The following ZBTB20 variants were observed in gnomAD, a reference collection of about 807,000 sequenced individuals.
ZBTB20 encodes zinc finger and BTB domain containing 20, also known as zinc finger and BTB domain-containing protein 20.
A neutral mutation model predicts 56.9 loss-of-function variants in ZBTB20; 9 were observed. The ratio of observed to expected loss-of-function variants is 0.16; its 90% CI spans 0.10 to 0.28. ZBTB20 has a LOEUF of 0.28. Among genes scored for constraint, ZBTB20 ranks in the 10% least tolerant of loss-of-function variants. The probability of loss-of-function intolerance (pLI) is 1.00; values close to 1 mark genes in which losing one functional copy is unlikely to be tolerated. For synonymous variants in ZBTB20, 417 were observed against 420.7 expected (o/e 0.99, Z 0.11); for missense variants, 655 against 1,003.0 (o/e 0.65, Z 4.69).
intron 6 of ZBTB20, among the ~76,000 whole-genome samples, chr3:114,606,658 A>T (rs537998717): frequency 6.6e-6 from 1 of 152,270 alleles, no homozygotes; most frequent in Non-Finnish European, 1.5e-5. Flanking sequence ...ATAAATCCCC[A>T]CCACTACACT....
At chr3:114,683,684 A>T (rs1666170534) in intron 6 of ZBTB20, among the ~76,000 whole-genome samples, 1 of 152,050 alleles carries the variant, frequency 6.6e-6, no homozygotes, top group African/African-American at 2.4e-5. Flanking sequence ...TCCCCAGGGC[A>T]TTAAGCCCTG....
At chr3:114,951,692 A>G (rs2077071937) in intron 3 of ZBTB20, among the ~76,000 whole-genome samples, 1 of 152,126 alleles carries the variant, frequency 6.6e-6, no homozygotes, top group Non-Finnish European at 1.5e-5. Context: ...ATAGAATTTC[A>G]ATATGACTCA....
At chr3:114,936,834 C>G (rs1050578212) in intron 3 of ZBTB20, among the ~76,000 whole-genome samples, 2 of 152,114 alleles carry the variant, frequency 1.3e-5, no homozygotes, top group Admixed American at 6.5e-5. Flanking sequence ...AGTTTGGGTC[C>G]TCTTGTGCCA....
At chr3:114,543,232 A>T (rs988827670) in intron 6 of ZBTB20, among the ~76,000 whole-genome samples, 3 of 151,956 alleles carry the variant, frequency 2.0e-5, no homozygotes, top group African/African-American at 7.2e-5. Context: ...GGTATTTTTA[A>T]TTTGTCTTTT....
intron 1 of ZBTB20, among the ~76,000 whole-genome samples, chr3:115,126,806 G>A (rs758119131): frequency 6.6e-6 from 1 of 152,160 alleles, no homozygotes; most frequent in Non-Finnish European, 1.5e-5. Context: ...AAGGAAATGT[G>A]AGTTTTGATG....
At chr3:114,876,924 T>C (rs868541001) in intron 4 of ZBTB20, among the ~76,000 whole-genome samples, 4 of 152,190 alleles carry the variant, frequency 2.6e-5, no homozygotes, top group Non-Finnish European at 5.9e-5. Flanking sequence ...TTATTAAATA[T>C]GTGTATATCT....
In ZBTB20 at chr3:114,883,929, T is replaced by C. The variant is rs1250214638; in HGVS notation, c.-417+16375A>G. Reference sequence around the variant, plus strand: ...GAATGGTGTGTTCTTTTTTTTTTTTTTTTTTTTTTTTTTTGAGACGGAGTC... The same window carrying C: ...GAATGGTGTGTTCTTTTTTTTTTTTCTTTTTTTTTTTTTTGAGACGGAGTC... On this transcript the variant is annotated intron_variant, in intron 4 of 11. Coordinates refer to ENST00000675478, the MANE Select transcript of ZBTB20 (RefSeq NM_001348800.3). Among the ~76,000 whole-genome samples the C allele has an allele frequency of 6.9e-5, 5 of 72,344 alleles. 1 individual carries two copies. Among genetic ancestry groups the C allele is most frequent in the Non-Finnish European group, 1.5e-4 (5 of 34,150 alleles). 47.5% of individuals were successfully genotyped at this position (72,344 alleles called of 152,430 possible).
intron 6 of ZBTB20, among the ~76,000 whole-genome samples, chr3:114,516,982 A>C (rs1474787190): frequency 1.3e-5 from 2 of 152,226 alleles, no homozygotes; most frequent in Non-Finnish European, 2.9e-5. Context: ...TGATATACTC[A>C]GTAAAAGAAA....
chr3:114,690,148 G>A (rs1349768716), intron 6 of ZBTB20, among the ~76,000 whole-genome samples: 1 of 152,042 alleles, frequency 6.6e-6, no homozygotes, highest in Non-Finnish European at 1.5e-5. Context: ...TGCTCTACCA[G>A]TTTTGGCTGA....
At chr3:114,449,480 G>A (rs1334143362) in intron 7 of ZBTB20, among the ~76,000 whole-genome samples, 1 of 152,110 alleles carries the variant, frequency 6.6e-6, no homozygotes. Flanking sequence ...ACATCAAACA[G>A]AGTTAAAGCA....
rs73857643 is a variant in ZBTB20, at chr3:114,718,464, C to T, written c.-342-24889G>A. 3.7e-3 allele frequency among the ~76,000 whole-genome samples: 570 copies of T among 152,186 alleles called. 6 individuals carry two copies. Among genetic ancestry groups the T allele is most frequent in the African/African-American group, 0.013 (553 of 41,538 alleles). On this transcript the variant is annotated intron_variant, in intron 5 of 11. Transcript: ENST00000675478. The stretch of plus-strand genomic sequence containing the variant: ...AGAAAAAACAGTCATTCCTGACTTA[C>T]AAACATGAGTGGAGGGAAGTACCTG...
chr3:114,464,169 T>C (rs2092444904), intron 7 of ZBTB20, among the ~76,000 whole-genome samples: 1 of 152,212 alleles, frequency 6.6e-6, no homozygotes, highest in Non-Finnish European at 1.5e-5. Flanking sequence ...TTATATTCAC[T>C]TTTTATTGGC....
At chr3:114,373,279 A>G (rs1347610480) in intron 10 of ZBTB20, among the ~76,000 whole-genome samples, 2 of 152,218 alleles carry the variant, frequency 1.3e-5, no homozygotes, top group African/African-American at 4.8e-5. Context: ...CTATTAGAAA[A>G]TAAGTAGATG....
At chr3:114,851,239 C>G (rs1224322454) in intron 4 of ZBTB20, among the ~76,000 whole-genome samples, 1 of 152,130 alleles carries the variant, frequency 6.6e-6, no homozygotes, top group Non-Finnish European at 1.5e-5. Context: ...AAGTTGGTAA[C>G]ACATTTAAGA....
chr3:114,754,526 T>C (rs929827370), intron 5 of ZBTB20, among the ~76,000 whole-genome samples: 3 of 152,170 alleles, frequency 2.0e-5, no homozygotes, highest in Non-Finnish European at 1.5e-5. Flanking sequence ...TAATACCATA[T>C]GGAACCTTGA....
chr3:115,124,730 A>G (rs2084277226), intron 1 of ZBTB20, among the ~76,000 whole-genome samples: 1 of 152,178 alleles, frequency 6.6e-6, no homozygotes, highest in African/African-American at 2.4e-5. Flanking sequence ...ACGGCAAATC[A>G]CTGAGGAAAC....
At chr3:114,626,833 G>A (rs1034173232) in intron 6 of ZBTB20, among the ~76,000 whole-genome samples, 1 of 152,204 alleles carries the variant, frequency 6.6e-6, no homozygotes, top group Non-Finnish European at 1.5e-5. Context: ...AGGGGAAAAC[G>A]TAGTCCAGTT....
At chr3:114,781,874 T>G (rs532570870) in intron 5 of ZBTB20, among the ~76,000 whole-genome samples, 1 of 152,314 alleles carries the variant, frequency 6.6e-6, no homozygotes, top group South Asian at 2.1e-4. Context: ...TGCTGCCATG[T>G]AAGATGTGAC....
At chr3:114,917,495 C>T (rs2075789387) in intron 3 of ZBTB20, among the ~76,000 whole-genome samples, 2 of 152,092 alleles carry the variant, frequency 1.3e-5, no homozygotes, top group African/African-American at 4.8e-5. Context: ...TGTTTGTACC[C>T]ACCCTTCTTG....
Sources: allele counts gnomAD v4.1 joint callset (sites outside exome capture counted in the v4.1 genomes callset), GRCh38; gene constraint gnomAD v4.1.1; transcripts MANE v1.5; gene names NCBI Gene and HGNC (gene_info 2026-07-23, HGNC 2026-07-21).